The following AK9 variants were observed in gnomAD, a reference collection of about 807,000 sequenced individuals.
The protein encoded by AK9 is adenylate kinase 9.
Under a neutral mutation model 239.6 loss-of-function variants are expected in AK9, and 191 were observed. The ratio of observed to expected loss-of-function variants is 0.80; its 90% CI spans 0.71 to 0.90. AK9 has a LOEUF of 0.90. Ranked by LOEUF, AK9 falls within the 40% of genes least tolerant of loss-of-function variation. The pLI is 0.00. For missense variants in AK9, 1,995 were observed against 2,214.7 expected (o/e 0.90, Z 1.99); for synonymous variants, 689 against 721.0 (o/e 0.96, Z 0.71).
intron 17 of AK9, among the ~76,000 whole-genome samples, chr6:109,598,247 C>T (rs13215994): frequency 0.22 from 31,798 of 145,586 alleles, 4,088 homozygotes; most frequent in Middle Eastern, 0.32. Context: ...CAACAGTCCC[C>T]GGTGTGTGAT....
chr6:109,502,816 T>A (rs541515111), intron 35 of AK9, among the ~76,000 whole-genome samples: 3 of 152,288 alleles, frequency 2.0e-5, no homozygotes, highest in African/African-American at 7.2e-5. Context: ...CTTACCGACA[T>A]CACATGAGTG....
intron 1 of AK9, among the ~76,000 whole-genome samples, chr6:109,676,572 C>G (rs573394680): frequency 2.0e-5 from 3 of 151,584 alleles, no homozygotes; most frequent in African/African-American, 7.3e-5. Context: ...ATCTCTTGAT[C>G]ACGATAAAAT....
chr6:109,591,770 G>A (rs1436335250), intron 17 of AK9, among the ~76,000 whole-genome samples: 3 of 151,818 alleles, frequency 2.0e-5, no homozygotes, highest in African/African-American at 7.3e-5. Flanking sequence ...GCTTGCCTGG[G>A]AAATACTTCA....
At chr6:109,682,732 G>A (rs1412200823) in intron 1 of AK9, among the ~76,000 whole-genome samples, 1 of 152,060 alleles carries the variant, frequency 6.6e-6, no homozygotes, top group East Asian at 1.9e-4. Context: ...CCAATAACAA[G>A]CTCTGAAATT....
chr6:109,583,862 T>C (rs758595234), intron 19 of AK9, among the ~76,000 whole-genome samples: 71 of 152,260 alleles, frequency 4.7e-4, no homozygotes, highest in Non-Finnish European at 6.5e-4. Context: ...TTTACTCTTA[T>C]GTTGAGATCT....
intron 25 of AK9, chr6:109,549,886 G>A (rs1010044502): frequency 7.0e-6 from 3 of 429,868 alleles, no homozygotes; most frequent in Admixed American, 8.2e-5. Flanking sequence ...GGATGGTCTC[G>A]ATCTCCTGAC....
intron 5 of AK9, among the ~76,000 whole-genome samples, chr6:109,667,548 C>T (rs1801388318): frequency 6.6e-6 from 1 of 151,526 alleles, no homozygotes; most frequent in Admixed American, 6.6e-5. Flanking sequence ...CCTTTCCCTC[C>T]CCTCTCCCCC....
At chr6:109,528,947 A>T in intron 29 of AK9, 64 bp downstream of exon 29, 1 of 1,582,156 alleles carries the variant, frequency 6.3e-7, no homozygotes, top group Non-Finnish European at 8.6e-7. Flanking sequence ...TGATTGTGCC[A>T]CTGTACCCTG....
Position 109,563,669 on chromosome 6 carries a change from A to G in AK9, c.2679T>C (p.Tyr893=). Residue 893 remains tyrosine, a synonymous_variant, in exon 24 of 41, where the codon TAT becomes TAC. Transcript: ENST00000424296. ...TCTGGTAGTCTTCTGTTTCTTCCTC[A>G]TAATCTTCCCCAGTTAACTCCCATG... ...YTAWELTGED[Y]EEETEDYQTE... 6.4e-7 allele frequency: 1 copy of G among 1,550,832 alleles called. No individual in the cohort carries two copies. Among genetic ancestry groups the G allele is most frequent in the Non-Finnish European group, 8.7e-7 (1 of 1,146,184 alleles).
chr6:109,504,734 G>A (rs553732516), intron 35 of AK9, among the ~76,000 whole-genome samples: 65 of 152,212 alleles, frequency 4.3e-4, no homozygotes, highest in African/African-American at 1.4e-3. Context: ...GCTTGAACCC[G>A]GGAAGGGGAG....
intron 31 of AK9, 51 bp from the exon 32 acceptor site, chr6:109,514,488 A>G: frequency 7.1e-7 from 1 of 1,413,248 alleles, no homozygotes; most frequent in South Asian, 1.4e-5. Context: ...TTTTTACAGC[A>G]CTTCCCTGAA....
intron 21 of AK9, among the ~76,000 whole-genome samples, chr6:109,570,517 CTA>C: frequency 6.6e-6 from 1 of 152,208 alleles, no homozygotes; most frequent in Non-Finnish European, 1.5e-5. Context: ...GACTTCACCA[CTA>C]TATGTGATTC....
chr6:109,642,996 G>A (rs1333243687), intron 9 of AK9, among the ~76,000 whole-genome samples: 1 of 152,184 alleles, frequency 6.6e-6, no homozygotes. Flanking sequence ...AGGAGTGAGG[G>A]TAAACAGAGA....
intron 13 of AK9, among the ~76,000 whole-genome samples, chr6:109,618,443 A>C (rs1794437834): frequency 6.6e-6 from 1 of 151,758 alleles, no homozygotes; most frequent in South Asian, 2.1e-4. Flanking sequence ...AAAAAAAACA[A>C]AACGCTTTTT....
chr6:109,516,343 T>G, intron 30 of AK9, 87 bp downstream of exon 30: 1 of 1,183,734 alleles, frequency 8.4e-7, no homozygotes, highest in South Asian at 1.5e-5. Context: ...TTTTTAAATG[T>G]TTAAAGAAAT....
At chr6:109,504,427 AT>A (rs1360829612) in intron 35 of AK9, among the ~76,000 whole-genome samples, 2 of 152,226 alleles carry the variant, frequency 1.3e-5, no homozygotes, top group African/African-American at 4.8e-5. Flanking sequence ...AGCAATGAAT[AT>A]TAATAGTTTT....
At chr6:109,544,389 C>A (rs1783263765) in intron 26 of AK9, among the ~76,000 whole-genome samples, 1 of 152,084 alleles carries the variant, frequency 6.6e-6, no homozygotes, top group Non-Finnish European at 1.5e-5. Flanking sequence ...ATTGCAATCC[C>A]CAATGCTGGA....
intron 35 of AK9, among the ~76,000 whole-genome samples, chr6:109,504,893 A>G (rs1777961654): frequency 6.6e-6 from 1 of 152,240 alleles, no homozygotes. Flanking sequence ...AAACTTCTGC[A>G]CGTGACTTTT....
chr6:109,598,426 G>C (rs1345841069), intron 17 of AK9, among the ~76,000 whole-genome samples: 1 of 152,136 alleles, frequency 6.6e-6, no homozygotes, highest in African/African-American at 2.4e-5. Flanking sequence ...TGGCTGCATA[G>C]TATTCCATGG....
Sources: gnomAD v4.1 joint callset for allele counts (sites outside exome capture counted in the v4.1 genomes callset) on GRCh38, gnomAD v4.1.1 for gene constraint, MANE v1.5 for transcripts, NCBI Gene and HGNC (gene_info 2026-07-23, HGNC 2026-07-21) for gene names.